IGSF5: variants seen among roughly 807,000 people sequenced by gnomAD.
The protein encoded by IGSF5 is immunoglobulin superfamily member 5, also known as immunoglobulin superfamily 5 like.
Under a neutral mutation model 39.4 loss-of-function variants are expected in IGSF5, and 41 were observed. The observed-to-expected ratio is 1.04, with a 90% CI of 0.81 to 1.35. IGSF5 has a LOEUF of 1.35. IGSF5 is among the 40% of genes most tolerant of loss of function. The pLI is 0.00. For synonymous variants in IGSF5, 183 were observed against 175.3 expected, an observed-to-expected ratio of 1.04 and a Z score of -0.34; for missense variants, 487 against 494.6, an observed-to-expected ratio of 0.98 and a Z score of 0.15.
intron 2 of IGSF5, among the ~76,000 whole-genome samples, chr21:39,761,644 A>C (rs1020801904): frequency 2.1e-4 from 32 of 152,236 alleles, no homozygotes; most frequent in African/African-American, 7.5e-4. Context: ...AGATGATGGC[A>C]TGAATAGGAG....
the IGSF5 span, among the ~76,000 whole-genome samples, chr21:39,714,610 C>T: frequency 6.6e-6 from 1 of 152,240 alleles, no homozygotes; most frequent in South Asian, 2.1e-4. Context: ...GGCTCTCCCA[C>T]AGCTTCTGCT....
chr21:39,799,464 AGTAT>A (rs1319283454), intron 8 of IGSF5, among the ~76,000 whole-genome samples: 1 of 151,780 alleles, frequency 6.6e-6, no homozygotes, highest in Admixed American at 6.6e-5. Flanking sequence ...CCAAAGAATC[AGTAT>A]TTTTATCATT....
chr21:39,712,122 T>C, the IGSF5 span, among the ~76,000 whole-genome samples: 2 of 152,156 alleles, frequency 1.3e-5, no homozygotes, highest in African/African-American at 4.8e-5. Context: ...GGGGACACAA[T>C]ACCATGCCTT....
At chr21:39,711,791 C>G in the IGSF5 span, among the ~76,000 whole-genome samples, 1 of 152,108 alleles carries the variant, frequency 6.6e-6, no homozygotes, top group Admixed American at 6.5e-5. Context: ...CCTCAGTCTC[C>G]CAAAGTGCTG....
At chr21:39,720,422 G>A in the IGSF5 span, among the ~76,000 whole-genome samples, 2 of 152,262 alleles carry the variant, frequency 1.3e-5, no homozygotes, top group South Asian at 4.2e-4. Context: ...AGGGGTTGGG[G>A]ACCCCTGGAA....
chr21:39,791,503 T>A (rs1163736025), intron 6 of IGSF5: 1 of 152,234 alleles, frequency 6.6e-6, no homozygotes, highest in Non-Finnish European at 1.5e-5. Context: ...GTTGGCACAT[T>A]TTTTCCATAA....
At chr21:39,781,933 T>C (rs980489292) in intron 5 of IGSF5, among the ~76,000 whole-genome samples, 2 of 152,216 alleles carry the variant, frequency 1.3e-5, no homozygotes, top group Non-Finnish European at 2.9e-5. Context: ...TATTTCCTTA[T>C]ATGGAAGTTT....
chr21:39,717,002 C>A, the IGSF5 span, among the ~76,000 whole-genome samples: 1 of 152,144 alleles, frequency 6.6e-6, no homozygotes, highest in Non-Finnish European at 1.5e-5. Flanking sequence ...GCAACCTAGC[C>A]ATTATCTGTT....
intron 2 of IGSF5, among the ~76,000 whole-genome samples, chr21:39,748,217 C>T (rs1395499811): frequency 2.7e-5 from 4 of 149,726 alleles, no homozygotes; most frequent in Non-Finnish European, 5.9e-5. Flanking sequence ...TGAGGGCTCT[C>T]TTCCTGGCTT....
At chr21:39,785,163 G>T (rs1484583280) in intron 5 of IGSF5, among the ~76,000 whole-genome samples, 1 of 151,596 alleles carries the variant, frequency 6.6e-6, no homozygotes, top group Non-Finnish European at 1.5e-5. Flanking sequence ...TTAATGTTAG[G>T]TATATCTCCT....
chr21:39,728,319 A>G, the IGSF5 span, among the ~76,000 whole-genome samples: 1 of 152,116 alleles, frequency 6.6e-6, no homozygotes, highest in Non-Finnish European at 1.5e-5. Flanking sequence ...TAAAAAGACA[A>G]TGTGAAGATA....
rs1232151567 is a variant in IGSF5 at position 39,801,508 on chromosome 21, T to TGA, written c.*156_*157dup. 4.0e-6 allele frequency: 2 copies of TGA among 495,746 alleles called. No homozygotes were observed. Among genetic ancestry groups the TGA allele is most frequent in the Admixed American group, 3.4e-5 (1 of 29,536 alleles). The allele number at this position is 495,746 out of a possible 1,614,324, so 30.7% of individuals were successfully genotyped here. ...AGTCATCAGAACTGATACTTGACAG[T>TGA]GAGAGAAGGAATCGATTTTCCCAGA... On this transcript the variant is annotated 3_prime_UTR_variant, in exon 9 of 9. Coordinates refer to ENST00000380588, the MANE Select transcript of IGSF5 (RefSeq NM_001080444.2).
rs73217274 is a variant in IGSF5 at position 39,765,576 on chromosome 21, G to A, written c.142G>A (p.Ala48Thr). ...GNEVIEGPQN[A>T]RVLKGSQARF... ...TGAAGTCATAGAAGGCCCCCAAAAT[G>A]CAAGAGTCCTGAAGGGCTCCCAGGC... Residue 48 changes from alanine to threonine, a missense_variant, in exon 3 of 9, where the codon GCA becomes ACA. Coordinates refer to ENST00000380588, the MANE Select transcript of IGSF5 (RefSeq NM_001080444.2). 4.5e-5 allele frequency: 73 copies of A among 1,614,098 alleles called. No individual in the cohort carries two copies. Among genetic ancestry groups the A allele is most frequent in the Middle Eastern group, 3.3e-4 (2 of 6,062 alleles).
At chr21:39,740,189 C>A (rs542071266), upstream of IGSF5, among the ~76,000 whole-genome samples, 12 of 152,306 alleles carry the variant, frequency 7.9e-5, no homozygotes, top group South Asian at 2.1e-3. Context: ...GAGGGGATTA[C>A]CCCATACTAG....
At chr21:39,780,740 A>T (rs2146287777) in intron 5 of IGSF5, among the ~76,000 whole-genome samples, 1 of 152,344 alleles carries the variant, frequency 6.6e-6, no homozygotes, top group East Asian at 1.9e-4. Context: ...TGAGGTGGGC[A>T]CATAAACACT....
chr21:39,747,179 A>G (rs1378134645), intron 2 of IGSF5, among the ~76,000 whole-genome samples: 1 of 152,234 alleles, frequency 6.6e-6, no homozygotes, highest in Non-Finnish European at 1.5e-5. Context: ...GAGGCCTCAC[A>G]ATCATGGCCG....
chr21:39,761,008 C>T (rs897368581), intron 2 of IGSF5, among the ~76,000 whole-genome samples: 7 of 152,184 alleles, frequency 4.6e-5, no homozygotes, highest in African/African-American at 1.7e-4. Context: ...TCAGCCTATA[C>T]AACAAGGCTA....
chr21:39,733,811 C>A, the IGSF5 span, among the ~76,000 whole-genome samples: 1 of 152,166 alleles, frequency 6.6e-6, no homozygotes, highest in Non-Finnish European at 1.5e-5. Flanking sequence ...CCCTGGCCAT[C>A]GTTCTAATCT....
At chr21:39,768,857 C>A (rs763083768) in intron 3 of IGSF5, among the ~76,000 whole-genome samples, 5 of 152,210 alleles carry the variant, frequency 3.3e-5, no homozygotes, top group Non-Finnish European at 2.9e-5. Flanking sequence ...CAGAGCCGAC[C>A]CAGTTCACTG....
Sources: gnomAD v4.1 joint callset for allele counts (sites outside exome capture counted in the v4.1 genomes callset) on GRCh38, gnomAD v4.1.1 for gene constraint, MANE v1.5 for transcripts, NCBI Gene and HGNC (gene_info 2026-07-23, HGNC 2026-07-21) for gene names.